The following GMDS variants were observed in gnomAD, a reference collection of about 807,000 sequenced individuals.
The protein encoded by GMDS is GDP-mannose 4,6-dehydratase, also known as GDP-mannose 4,6 dehydratase.
A neutral mutation model predicts 49.9 loss-of-function variants in GMDS; 20 were observed. The ratio of observed to expected loss-of-function variants is 0.40; its 90% CI spans 0.28 to 0.58. The LOEUF (loss-of-function observed/expected upper bound fraction) is 0.58. Ranked by LOEUF, GMDS falls within the 20% of genes least tolerant of loss-of-function variation. The probability of loss-of-function intolerance (pLI) is 0.42; values close to 1 mark genes in which losing one functional copy is unlikely to be tolerated. For missense variants in GMDS, 362 were observed against 481.4 expected, an observed-to-expected ratio of 0.75 and a Z score of 2.32; for synonymous variants, 177 against 178.6, an observed-to-expected ratio of 0.99 and a Z score of 0.07.
chr6:1,876,619 T>C (rs1442771520), intron 7 of GMDS, among the ~76,000 whole-genome samples: 1 of 152,162 alleles, frequency 6.6e-6, no homozygotes, highest in Non-Finnish European at 1.5e-5. Context: ...CAAATGGTAA[T>C]AACAATACTA....
intron 4 of GMDS, among the ~76,000 whole-genome samples, chr6:2,026,499 G>A (rs888302462): frequency 1.3e-5 from 2 of 152,222 alleles, no homozygotes; most frequent in African/African-American, 4.8e-5. Context: ...CTCTTAGCAT[G>A]ATATTCAAAA....
At chr6:1,750,023 A>G (rs1459749932) in intron 7 of GMDS, among the ~76,000 whole-genome samples, 1 of 152,118 alleles carries the variant, frequency 6.6e-6, no homozygotes, top group Non-Finnish European at 1.5e-5. Flanking sequence ...AGTATACAAA[A>G]ATACTAAAAA....
At chr6:1,648,398 A>G (rs1763551994) in intron 9 of GMDS, among the ~76,000 whole-genome samples, 1 of 152,204 alleles carries the variant, frequency 6.6e-6, no homozygotes, top group Non-Finnish European at 1.5e-5. Flanking sequence ...ACTTATTTGA[A>G]GCTGCCTATG....
chr6:1,904,120 G>T (rs1760637356), intron 7 of GMDS, among the ~76,000 whole-genome samples: 1 of 152,176 alleles, frequency 6.6e-6, no homozygotes, highest in African/African-American at 2.4e-5. Flanking sequence ...CAGACTTCCA[G>T]GGGCACGGGA....
intron 1 of GMDS, among the ~76,000 whole-genome samples, chr6:2,129,441 T>G (rs1775616537): frequency 6.6e-6 from 1 of 152,202 alleles, no homozygotes; most frequent in Non-Finnish European, 1.5e-5. Flanking sequence ...CTGAACTGCA[T>G]GCTAAATCAT....
At chr6:1,910,281 G>A (rs1254523446) in intron 7 of GMDS, among the ~76,000 whole-genome samples, 1 of 149,624 alleles carries the variant, frequency 6.7e-6, no homozygotes, top group African/African-American at 2.5e-5. Context: ...AAAGATGTTA[G>A]CTTAGCTTAA....
intron 9 of GMDS, among the ~76,000 whole-genome samples, chr6:1,702,627 G>A (rs879620292): frequency 2.0e-5 from 3 of 152,192 alleles, no homozygotes; most frequent in Non-Finnish European, 4.4e-5. Context: ...CAGCTGTGGT[G>A]GCATTAATAC....
At chr6:2,010,930 G>C (rs572118185) in intron 4 of GMDS, among the ~76,000 whole-genome samples, 1 of 152,238 alleles carries the variant, frequency 6.6e-6, no homozygotes, top group South Asian at 2.1e-4. Flanking sequence ...CAAATAGAGA[G>C]AGATAAGATA....
chr6:1,763,816 C>T (rs959042271), intron 7 of GMDS, among the ~76,000 whole-genome samples: 9 of 152,188 alleles, frequency 5.9e-5, no homozygotes, highest in South Asian at 2.1e-4. Context: ...TTTGCTAGGA[C>T]CACTAGTGAA....
At chr6:1,930,612 A>G (rs1762245489) in intron 6 of GMDS, 1 of 161,786 alleles carries the variant, frequency 6.2e-6, no homozygotes, top group Non-Finnish European at 1.3e-5. Context: ...GACGACAGAC[A>G]TCTAAGACCA....
chr6:1,944,081 A>C (rs1440456189), intron 6 of GMDS, among the ~76,000 whole-genome samples: 16 of 152,236 alleles, frequency 1.1e-4, no homozygotes, highest in Non-Finnish European at 8.8e-5. Context: ...GCTATTTCAC[A>C]GAAGGATAAT....
intron 1 of GMDS, among the ~76,000 whole-genome samples, chr6:2,199,658 C>T (rs960227128): frequency 6.6e-6 from 1 of 152,212 alleles, no homozygotes; most frequent in Non-Finnish European, 1.5e-5. Context: ...TTACCAACAA[C>T]TTAATGCAAT....
intron 1 of GMDS, among the ~76,000 whole-genome samples, chr6:2,145,920 A>G (rs1776535293): frequency 6.6e-6 from 1 of 152,192 alleles, no homozygotes; most frequent in Admixed American, 6.5e-5. Flanking sequence ...CATCTCATAT[A>G]CGGGACTAAG....
At chr6:2,044,776 T>C (rs1562001767) in intron 4 of GMDS, among the ~76,000 whole-genome samples, 2 of 152,238 alleles carry the variant, frequency 1.3e-5, no homozygotes, top group Non-Finnish European at 2.9e-5. Flanking sequence ...AATGCCATTA[T>C]TAATTGGAAC....
chr6:1,652,416 TAA>T (rs1491313310), intron 9 of GMDS, among the ~76,000 whole-genome samples: 13 of 22,178 alleles, frequency 5.9e-4, no homozygotes, highest in African/African-American at 8.0e-4. Context: ...ATATTATATA[TAA>T]TATATATATA....
intron 7 of GMDS, among the ~76,000 whole-genome samples, chr6:1,911,100 C>T (rs542351979): frequency 5.3e-5 from 8 of 152,238 alleles, no homozygotes; most frequent in South Asian, 2.1e-4. Flanking sequence ...AAAACAGCAA[C>T]GTGTACCATA....
chr6:1,910,345 T>C (rs1169064518), intron 7 of GMDS, among the ~76,000 whole-genome samples: 2 of 151,512 alleles, frequency 1.3e-5, no homozygotes, highest in Non-Finnish European at 2.9e-5. Context: ...CTGGGCTTTA[T>C]AAATAATTTG....
chr6:2,131,082 AGCAG>A (rs1360205458), intron 1 of GMDS, among the ~76,000 whole-genome samples: 1 of 152,212 alleles, frequency 6.6e-6, no homozygotes, highest in Non-Finnish European at 1.5e-5. Context: ...GATATTTTGA[AGCAG>A]GCTAGCAAAT....
intron 7 of GMDS, among the ~76,000 whole-genome samples, chr6:1,811,963 G>A (rs904074501): frequency 2.0e-5 from 3 of 152,272 alleles, no homozygotes; most frequent in African/African-American, 7.2e-5. Context: ...CACCTACTAT[G>A]TTCCAGGTAC....
Sources: allele counts gnomAD v4.1 joint callset (sites outside exome capture counted in the v4.1 genomes callset), GRCh38; gene constraint gnomAD v4.1.1; transcripts MANE v1.5; gene names NCBI Gene and HGNC (gene_info 2026-07-23, HGNC 2026-07-21).